ADAM32: variants seen among roughly 807,000 people sequenced by gnomAD.
The protein encoded by ADAM32 is disintegrin and metalloproteinase domain-containing protein 32.
ADAM32 carries 89 observed loss-of-function variants against 114.9 expected under a neutral mutation model. That is an observed-to-expected ratio of 0.77 (90% CI 0.65 to 0.92). The LOEUF is 0.92. Among genes scored for constraint, ADAM32 ranks in the 40% least tolerant of loss-of-function variants. The pLI is 0.00. For synonymous variants in ADAM32, 285 were observed against 307.5 expected (o/e 0.93, Z 0.77); for missense variants, 870 against 932.8 (o/e 0.93, Z 0.88).
chr8:39,188,685 A>G lies in ADAM32; in HGVS notation c.1052+1640A>G, dbSNP rs572470279. ...TGAGAGGCTAAGTTATAAAAAGGAT[A>G]ATTACTTATGGTCAGATGGCTAGTT... On this transcript the variant is annotated intron_variant, in intron 11 of 24. Transcript: ENST00000379907. Among the ~76,000 whole-genome samples, 30 of 152,300 alleles carry G rather than the reference A, an allele frequency of 2.0e-4. 1 individual carries two copies. The highest frequency in any genetic ancestry group is 3.3e-4 in the Admixed American group (5 of 15,308).
chr8:39,209,352 T>A (rs541163770), intron 11 of ADAM32, among the ~76,000 whole-genome samples: 66 of 152,350 alleles, frequency 4.3e-4, no homozygotes, highest in Non-Finnish European at 7.5e-4. Context: ...TTGTTAAGTA[T>A]CTCTGATAAT....
chr8:39,200,983 A>G (rs1362873521), intron 11 of ADAM32, among the ~76,000 whole-genome samples: 1 of 152,076 alleles, frequency 6.6e-6, no homozygotes, highest in Non-Finnish European at 1.5e-5. Context: ...ATTGGTCTAT[A>G]TCTCTGTTTT....
chr8:39,252,579 T>C (rs1390375562), intron 17 of ADAM32, among the ~76,000 whole-genome samples: 1 of 151,174 alleles, frequency 6.6e-6, no homozygotes, highest in Non-Finnish European at 1.5e-5. Flanking sequence ...GTTATGAAGA[T>C]TAGAGCACAA....
At chr8:39,161,175 A>C (rs878872533) in intron 7 of ADAM32, among the ~76,000 whole-genome samples, 1 of 152,264 alleles carries the variant, frequency 6.6e-6, no homozygotes, top group African/African-American at 2.4e-5. Flanking sequence ...ACACAACAGT[A>C]CTGCAGAACA....
intron 22 of ADAM32, 93 bp downstream of exon 22, chr8:39,275,959 T>C: frequency 8.2e-7 from 1 of 1,218,722 alleles, no homozygotes; most frequent in Non-Finnish European, 1.1e-6. Context: ...TTGCTAACTA[T>C]TAACTGAGTA....
At chr8:39,129,839 T>A (rs1440266103) in intron 2 of ADAM32, 2 of 349,282 alleles carry the variant, frequency 5.7e-6, no homozygotes, top group Admixed American at 3.6e-5. Context: ...GAGTGTAATC[T>A]TTGTTATAGG....
chr8:39,107,969 T>A, intron 1 of ADAM32, 136 bp downstream of exon 1: 1 of 1,210,812 alleles, frequency 8.3e-7, no homozygotes, highest in Non-Finnish European at 1.1e-6. Context: ...TCCAGGGGAT[T>A]AGGCGCCCCG....
intron 19 of ADAM32, among the ~76,000 whole-genome samples, chr8:39,267,349 TTGTC>T (rs976001503): frequency 6.6e-6 from 1 of 152,222 alleles, no homozygotes; most frequent in Admixed American, 6.5e-5. Context: ...TGTATGTACT[TTGTC>T]TGGATTATTT....
chr8:39,134,206 T>C (rs1367882875), intron 2 of ADAM32, among the ~76,000 whole-genome samples: 3 of 151,812 alleles, frequency 2.0e-5, no homozygotes, highest in Non-Finnish European at 4.4e-5. Flanking sequence ...ATGTAATCTG[T>C]TGGGGCTGGG....
At chr8:39,221,326 A>G (rs1013847159) in intron 12 of ADAM32, 16 of 282,024 alleles carry the variant, frequency 5.7e-5, no homozygotes, top group African/African-American at 3.3e-4. Context: ...TAGGTAGCAT[A>G]TAGTGAGGTC....
chr8:39,183,283 C>T (rs1277817948), intron 10 of ADAM32, among the ~76,000 whole-genome samples: 1 of 152,124 alleles, frequency 6.6e-6, no homozygotes, highest in Non-Finnish European at 1.5e-5. Flanking sequence ...ACCCAGATGG[C>T]TTAGCCCTAC....
At chr8:39,265,070 T>G (rs2129451051) in intron 19 of ADAM32, among the ~76,000 whole-genome samples, 1 of 152,322 alleles carries the variant, frequency 6.6e-6, no homozygotes, top group East Asian at 1.9e-4. Context: ...CATAACACTT[T>G]CAGGGGGTGT....
At chr8:39,192,001 CTCTG>C (rs1361155954) in intron 11 of ADAM32, among the ~76,000 whole-genome samples, 3 of 152,114 alleles carry the variant, frequency 2.0e-5, no homozygotes, top group Non-Finnish European at 4.4e-5. Context: ...TTGGCTGTGA[CTCTG>C]TCTGGTCTTG....
chr8:39,216,615 T>C (rs1808583984), intron 12 of ADAM32, among the ~76,000 whole-genome samples: 1 of 152,050 alleles, frequency 6.6e-6, no homozygotes, highest in Non-Finnish European at 1.5e-5. Flanking sequence ...ATCTGTTATA[T>C]GTTTTTAGAT....
chr8:39,112,324 T>G (rs867847729), intron 1 of ADAM32, among the ~76,000 whole-genome samples: 6 of 152,322 alleles, frequency 3.9e-5, no homozygotes, highest in Admixed American at 1.3e-4. Context: ...TCATTTTATT[T>G]TTTCTATATC....
chr8:39,185,792 T>G (rs1806197092), intron 10 of ADAM32, among the ~76,000 whole-genome samples: 1 of 152,192 alleles, frequency 6.6e-6, no homozygotes, highest in South Asian at 2.1e-4. Flanking sequence ...ATACTTCTCC[T>G]TCAAGACCAT....
chr8:39,228,324 A>G (rs1402006521), intron 14 of ADAM32, among the ~76,000 whole-genome samples: 1 of 152,226 alleles, frequency 6.6e-6, no homozygotes, highest in Non-Finnish European at 1.5e-5. Flanking sequence ...ATTAAAACCA[A>G]GAAGAAACCC....
chr8:39,144,662 C>T (rs1803389657), intron 3 of ADAM32, among the ~76,000 whole-genome samples: 1 of 2,256 alleles, frequency 4.4e-4, no homozygotes, highest in Non-Finnish European at 7.4e-3. Context: ...TACCTTAACA[C>T]AAAAATGTCA....
Position 39,186,946 on chromosome 8 carries a change from T to C in ADAM32, c.953T>C (p.Ile318Thr). 2.5e-6 allele frequency: 4 copies of C among 1,612,848 alleles called. No homozygotes were observed. The East Asian group carries it at 8.9e-5, about 36-fold the overall frequency. ...ATAACTCTGGAGGCATTTGCAGTTA[T>C]TGTCACCCAGATGCTGGCACTCAGT... is the stretch of plus-strand genomic sequence containing the variant. ...KEITLEAFAV[I>T]VTQMLALSLG... Residue 318 changes from isoleucine to threonine, a missense_variant, in exon 11 of 25, where the codon ATT becomes ACT. Physicochemically the swap from Ile to Thr is moderately conservative, Grantham distance 89. Coordinates refer to ENST00000379907, the MANE Select transcript of ADAM32 (RefSeq NM_145004.7).
Sources: gnomAD v4.1 joint callset for allele counts (sites outside exome capture counted in the v4.1 genomes callset) on GRCh38, gnomAD v4.1.1 for gene constraint, MANE v1.5 for transcripts, NCBI Gene and HGNC (gene_info 2026-07-23, HGNC 2026-07-21) for gene names.